The following CALN1 variants were observed in gnomAD, a reference collection of about 807,000 sequenced individuals.
CALN1 encodes calneuron 1.
In CALN1, 17 loss-of-function variants were observed where a neutral mutation model predicts 30.6. The observed-to-expected ratio is 0.56, with a 90% CI of 0.38 to 0.83. CALN1 has a LOEUF of 0.83. CALN1 is among the 40% of genes least tolerant of loss of function. The probability of loss-of-function intolerance (pLI) is 0.00; values close to 1 mark genes in which losing one functional copy is unlikely to be tolerated. For missense variants in CALN1, 291 were observed against 354.9 expected (o/e 0.82, Z 1.45); for synonymous variants, 156 against 131.4 (o/e 1.19, Z -1.28).
intron 5 of CALN1, among the ~76,000 whole-genome samples, chr7:71,992,656 C>G (rs1239710881): frequency 6.6e-6 from 1 of 152,208 alleles, no homozygotes; most frequent in East Asian, 1.9e-4. Context: ...TCGCACCCAG[C>G]AAAGACCTTA....
chr7:72,144,276 G>A (rs1468665945), intron 3 of CALN1, among the ~76,000 whole-genome samples: 1 of 152,128 alleles, frequency 6.6e-6, no homozygotes, highest in Non-Finnish European at 1.5e-5. Context: ...AAGGGATGGA[G>A]GAAGATCTAC....
intron 3 of CALN1, among the ~76,000 whole-genome samples, chr7:72,217,086 A>T (rs1792879284): frequency 6.6e-6 from 1 of 152,156 alleles, no homozygotes; most frequent in African/African-American, 2.4e-5. Context: ...GTTAAGAGGC[A>T]ATAGAGAAAA....
At chr7:72,274,789 G>GATGA (rs1376037273) in intron 3 of CALN1, among the ~76,000 whole-genome samples, 1 of 152,064 alleles carries the variant, frequency 6.6e-6, no homozygotes, top group South Asian at 2.1e-4. Context: ...AATAAAAATG[G>GATGA]ATGAATGAAT....
chr7:71,952,447 C>T (rs903089200), intron 5 of CALN1, among the ~76,000 whole-genome samples: 4 of 152,196 alleles, frequency 2.6e-5, no homozygotes, highest in African/African-American at 9.7e-5. Flanking sequence ...GCTGCTCTGC[C>T]ACAAGGACTC....
intron 3 of CALN1, among the ~76,000 whole-genome samples, chr7:72,175,683 C>T (rs1277029626): frequency 6.6e-6 from 1 of 152,152 alleles, no homozygotes; most frequent in Non-Finnish European, 1.5e-5. Flanking sequence ...GTAGGCAGAC[C>T]AGGGCTTTGG....
At chr7:72,425,428 T>TACC (rs1807771317) in intron 1 of CALN1, among the ~76,000 whole-genome samples, 1 of 152,186 alleles carries the variant, frequency 6.6e-6, no homozygotes, top group Admixed American at 6.5e-5. Flanking sequence ...GCCCAGTTAC[T>TACC]ACCGGGGGCC....
At chr7:72,191,391 C>A (rs1790589802) in intron 3 of CALN1, among the ~76,000 whole-genome samples, 1 of 151,842 alleles carries the variant, frequency 6.6e-6, no homozygotes, top group Non-Finnish European at 1.5e-5. Context: ...CACTTTAGGT[C>A]AGGAGTTCGA....
chr7:71,856,485 G>T (rs1374222121), intron 5 of CALN1, among the ~76,000 whole-genome samples: 1 of 152,020 alleles, frequency 6.6e-6, no homozygotes, highest in Non-Finnish European at 1.5e-5. Flanking sequence ...TAGAGTCAAA[G>T]ATGTTTTTAG....
At chr7:71,830,854 T>A (rs963517926) in intron 5 of CALN1, among the ~76,000 whole-genome samples, 10 of 152,298 alleles carry the variant, frequency 6.6e-5, no homozygotes, top group African/African-American at 2.2e-4. Flanking sequence ...AAATCACACA[T>A]CTTCATTTTG....
intron 5 of CALN1, among the ~76,000 whole-genome samples, chr7:71,917,029 A>G (rs1794717285): frequency 6.6e-6 from 1 of 152,192 alleles, no homozygotes. Context: ...ACAAACACCA[A>G]CATATTTCCT....
intron 4 of CALN1, among the ~76,000 whole-genome samples, chr7:72,025,378 C>T (rs1310486521): frequency 6.6e-6 from 1 of 152,110 alleles, no homozygotes; most frequent in Non-Finnish European, 1.5e-5. Flanking sequence ...ATTTGCATGC[C>T]TATCTCACAA....
chr7:72,105,348 T>C (rs1458745786), intron 4 of CALN1, among the ~76,000 whole-genome samples: 1 of 152,174 alleles, frequency 6.6e-6, no homozygotes, highest in Admixed American at 6.5e-5. Context: ...GCTGGTGAAC[T>C]TTTCCTGAGT....
intron 3 of CALN1, among the ~76,000 whole-genome samples, chr7:72,190,124 G>C (rs189417616): frequency 6.6e-6 from 1 of 152,206 alleles, no homozygotes; most frequent in East Asian, 1.9e-4. Context: ...GGGAGGCCGA[G>C]GTGGGCAGAT....
chr7:72,489,409 T>G, the CALN1 span, among the ~76,000 whole-genome samples: 1 of 152,178 alleles, frequency 6.6e-6, no homozygotes, highest in Non-Finnish European at 1.5e-5. Flanking sequence ...TACACTTTCT[T>G]AGTACGATTT....
At chr7:71,824,976 T>G (rs1788827024) in intron 5 of CALN1, among the ~76,000 whole-genome samples, 1 of 152,194 alleles carries the variant, frequency 6.6e-6, no homozygotes, top group African/African-American at 2.4e-5. Flanking sequence ...ATGTTTTAAG[T>G]CTGCCTTGAG....
intron 2 of CALN1, among the ~76,000 whole-genome samples, chr7:72,398,347 T>C (rs1228266121): frequency 6.6e-6 from 1 of 152,228 alleles, no homozygotes; most frequent in African/African-American, 2.4e-5. Context: ...GAATTTCCAT[T>C]GCTTTCAGAG....
At chr7:72,048,920 C>T (rs980747937) in intron 4 of CALN1, among the ~76,000 whole-genome samples, 2 of 152,022 alleles carry the variant, frequency 1.3e-5, no homozygotes, top group Admixed American at 6.6e-5. Flanking sequence ...AAGCAATCCT[C>T]CCACTTCAGC....
chr7:72,184,783 T>TC (rs1266935279), intron 3 of CALN1, among the ~76,000 whole-genome samples: 6 of 148,954 alleles, frequency 4.0e-5, no homozygotes, highest in Non-Finnish European at 8.9e-5. Context: ...CCAAGACATC[T>TC]TTTTTTTTTC....
intron 2 of CALN1, among the ~76,000 whole-genome samples, chr7:72,374,077 A>C (rs368391195): frequency 6.6e-6 from 1 of 152,358 alleles, no homozygotes; most frequent in South Asian, 2.1e-4. Flanking sequence ...AAACAAAGAG[A>C]ATTTCTTGCC....
Sources: gnomAD v4.1 joint callset for allele counts (sites outside exome capture counted in the v4.1 genomes callset) on GRCh38, gnomAD v4.1.1 for gene constraint, MANE v1.5 for transcripts, NCBI Gene and HGNC (gene_info 2026-07-23, HGNC 2026-07-21) for gene names.